Variants in MYRIP observed in about 807,000 individuals in gnomAD.
MYRIP encodes the protein rab effector MyRIP.
In MYRIP, 49 loss-of-function variants were observed where a neutral mutation model predicts 98.0. The ratio of observed to expected loss-of-function variants is 0.50; its 90% CI spans 0.40 to 0.63. The LOEUF is 0.63. Among genes scored for constraint, MYRIP ranks in the 30% least tolerant of loss-of-function variants. The pLI is 0.00. For missense variants in MYRIP, 1,004 were observed against 1,058.2 expected (o/e 0.95, Z 0.71); for synonymous variants, 404 against 409.5 (o/e 0.99, Z 0.16).
chr3:40,232,270 T>C (rs1405512082), intron 11 of MYRIP, among the ~76,000 whole-genome samples: 1 of 152,188 alleles, frequency 6.6e-6, no homozygotes, highest in Non-Finnish European at 1.5e-5. Flanking sequence ...GGCACATGTG[T>C]CCTCACCCCA....
In MYRIP at chr3:39,845,555, G is replaced by A. The variant is rs182831482; in HGVS notation, c.-31+35639G>A. On this transcript the variant is annotated intron_variant, in intron 1 of 16. Coordinates refer to ENST00000302541, the MANE Select transcript of MYRIP (RefSeq NM_015460.4). ...ATTAGGCACTTTTTGGGCACTTTGC[G>A]TATCTTATTTAGTACGAATAGTTGA... Among the ~76,000 whole-genome samples the A allele has an allele frequency of 2.2e-4, 34 of 152,182 alleles. No individual in the cohort carries two copies. In the East Asian group the frequency reaches 2.7e-3, roughly 12 times the overall value.
chr3:39,830,227 A>G (rs1941399959), intron 1 of MYRIP, among the ~76,000 whole-genome samples: 2 of 152,154 alleles, frequency 1.3e-5, no homozygotes, highest in Non-Finnish European at 2.9e-5. Flanking sequence ...CTTTAGGGCA[A>G]TATTCTATTC....
intron 11 of MYRIP, among the ~76,000 whole-genome samples, chr3:40,225,157 A>G (rs925683139): frequency 6.6e-6 from 1 of 152,246 alleles, no homozygotes; most frequent in Admixed American, 6.5e-5. Flanking sequence ...AGCATCTGTA[A>G]TACGACACAG....
intron 2 of MYRIP, among the ~76,000 whole-genome samples, chr3:39,935,862 C>A (rs1944644854): frequency 6.6e-6 from 1 of 152,098 alleles, no homozygotes; most frequent in African/African-American, 2.4e-5. Flanking sequence ...GTGTTTCTAG[C>A]CTCCTTTGCT....
At chr3:39,946,592 C>T (rs912080320) in intron 2 of MYRIP, among the ~76,000 whole-genome samples, 3 of 152,052 alleles carry the variant, frequency 2.0e-5, no homozygotes, top group African/African-American at 4.8e-5. Context: ...CAGAATAGTC[C>T]CCAGCCAACA....
chr3:40,008,908 C>T (rs1350033870), intron 2 of MYRIP, among the ~76,000 whole-genome samples: 1 of 152,218 alleles, frequency 6.6e-6, no homozygotes, highest in African/African-American at 2.4e-5. Context: ...ATGTTTCCAG[C>T]AGGTGCACCA....
chr3:40,260,037 G>A lies in MYRIP; in HGVS notation c.*1871G>A, dbSNP rs1953716173. Reference sequence around the variant, plus strand: ...TCTGAACTTTTATAAAGGTTTCCTTGTGCCAAATAAGTGCAAAGATTTAAT... The same window carrying A: ...TCTGAACTTTTATAAAGGTTTCCTTATGCCAAATAAGTGCAAAGATTTAAT... On this transcript the variant is annotated 3_prime_UTR_variant, in exon 17 of 17. Transcript: ENST00000302541. The A allele has an allele frequency of 6.6e-6, 1 of 152,632 alleles. No homozygotes were observed. The highest frequency in any genetic ancestry group is 6.5e-5 in the Admixed American group (1 of 15,286). The allele number at this position is 152,632 out of a possible 1,614,324, so 9.5% of individuals were successfully genotyped here. A position where few individuals can be genotyped will look rare whatever the true frequency, so the allele number is the denominator to read the frequency against.
chr3:39,984,780 T>C (rs1945989865), intron 2 of MYRIP, among the ~76,000 whole-genome samples: 1 of 152,032 alleles, frequency 6.6e-6, no homozygotes, highest in Admixed American at 6.6e-5. Flanking sequence ...TTTCCAGTTC[T>C]AGATCCCTGA....
chr3:40,204,723 G>T (rs145969559), intron 10 of MYRIP, among the ~76,000 whole-genome samples: 2,496 of 152,170 alleles, frequency 0.016, 17 homozygotes, highest in East Asian at 0.031. Context: ...GTCTTGGAGA[G>T]CATATTGGGG....
At chr3:40,221,145 C>A (rs34942934) in intron 11 of MYRIP, among the ~76,000 whole-genome samples, 8,835 of 151,250 alleles carry the variant, frequency 0.058, 320 homozygotes, top group African/African-American at 0.098. Context: ...TAATATAACA[C>A]CTTGCCCAGA....
At chr3:40,224,463 A>G (rs1426626504) in intron 11 of MYRIP, among the ~76,000 whole-genome samples, 1 of 152,024 alleles carries the variant, frequency 6.6e-6, no homozygotes, top group Non-Finnish European at 1.5e-5. Flanking sequence ...TAGGCCAAGA[A>G]AGGAACTCCT....
At chr3:39,895,928 T>C (rs2125665507) in intron 1 of MYRIP, among the ~76,000 whole-genome samples, 1 of 152,168 alleles carries the variant, frequency 6.6e-6, no homozygotes, top group African/African-American at 2.4e-5. Flanking sequence ...TGTGTGTGTG[T>C]GTGTGTGTGC....
intron 3 of MYRIP, among the ~76,000 whole-genome samples, chr3:40,124,983 G>T (rs1949492752): frequency 6.6e-6 from 1 of 152,198 alleles, no homozygotes; most frequent in African/African-American, 2.4e-5. Context: ...TCCTCAGGCA[G>T]GTTATGGAAC....
intron 2 of MYRIP, among the ~76,000 whole-genome samples, chr3:40,017,399 G>A (rs1471131478): frequency 2.6e-5 from 4 of 152,188 alleles, no homozygotes; most frequent in South Asian, 2.1e-4. Flanking sequence ...TTTACTGAAC[G>A]CATGAGCAGA....
At chr3:39,877,503 T>C (rs1289785935) in intron 1 of MYRIP, among the ~76,000 whole-genome samples, 2 of 152,154 alleles carry the variant, frequency 1.3e-5, no homozygotes, top group Admixed American at 6.5e-5. Context: ...ATGATGGTGA[T>C]GTGCAGATGG....
intron 4 of MYRIP, 151 bp from the exon 5 acceptor site, chr3:40,162,579 G>T (rs1180177384): frequency 6.6e-6 from 4 of 610,036 alleles, no homozygotes; most frequent in Non-Finnish European, 1.2e-5. Context: ...TAGCATTATT[G>T]TGGGACCTCA....
chr3:39,992,193 A>G (rs1256519745), intron 2 of MYRIP, among the ~76,000 whole-genome samples: 7 of 152,138 alleles, frequency 4.6e-5, no homozygotes, highest in Non-Finnish European at 1.0e-4. Context: ...TATCCCCTAC[A>G]GTGCCTCCAG....
At chr3:40,042,643 TAAAA>T (rs927487443) in intron 2 of MYRIP, among the ~76,000 whole-genome samples, 8 of 151,798 alleles carry the variant, frequency 5.3e-5, no homozygotes, top group African/African-American at 1.2e-4. Flanking sequence ...AGATAAAAAG[TAAAA>T]AAAGTAATAA....
chr3:39,975,187 C>T (rs1220667708), intron 2 of MYRIP, among the ~76,000 whole-genome samples: 3 of 152,342 alleles, frequency 2.0e-5, no homozygotes, highest in African/African-American at 7.2e-5. Flanking sequence ...TGATAGGCAA[C>T]TTCAGCAAAG....
Sources: gnomAD v4.1 joint callset for allele counts (sites outside exome capture counted in the v4.1 genomes callset) on GRCh38, gnomAD v4.1.1 for gene constraint, MANE v1.5 for transcripts, NCBI Gene and HGNC (gene_info 2026-07-23, HGNC 2026-07-21) for gene names.